GPHN: variants seen among roughly 807,000 people sequenced by gnomAD.
The protein encoded by GPHN is gephyrin.
A neutral mutation model predicts 95.5 loss-of-function variants in GPHN; 17 were observed. The ratio of observed to expected loss-of-function variants is 0.18; its 90% CI spans 0.12 to 0.27. The LOEUF (loss-of-function observed/expected upper bound fraction) is 0.27, where lower values mean the gene tolerates loss of function less well. Ranked by LOEUF, GPHN falls within the 10% of genes least tolerant of loss-of-function variation. The pLI is 1.00. For missense variants in GPHN, 660 were observed against 978.1 expected, an observed-to-expected ratio of 0.67 and a Z score of 4.34; for synonymous variants, 320 against 322.5, an observed-to-expected ratio of 0.99 and a Z score of 0.08.
intron 2 of GPHN, among the ~76,000 whole-genome samples, chr14:66,719,510 C>T (rs1343913043): frequency 2.0e-5 from 3 of 152,102 alleles, no homozygotes; most frequent in Non-Finnish European, 4.4e-5. Flanking sequence ...CCTGCAGGAG[C>T]GGTCCTCTTT....
At chr14:66,898,901 G>T (rs941068788) in intron 5 of GPHN, among the ~76,000 whole-genome samples, 1 of 151,658 alleles carries the variant, frequency 6.6e-6, no homozygotes, top group African/African-American at 2.4e-5. Context: ...TTCTTTTATT[G>T]CAGTTTTCAG....
chr14:66,784,384 G>T (rs1230264100), intron 3 of GPHN, among the ~76,000 whole-genome samples: 1 of 152,108 alleles, frequency 6.6e-6, no homozygotes, highest in African/African-American at 2.4e-5. Flanking sequence ...TGTGTCACTA[G>T]AAAACCACTC....
chr14:66,800,538 G>A (rs1335742700), intron 3 of GPHN, among the ~76,000 whole-genome samples: 1 of 151,584 alleles, frequency 6.6e-6, no homozygotes, highest in Non-Finnish European at 1.5e-5. Flanking sequence ...TGAAAAATCT[G>A]CTGCCAAAAG....
At chr14:66,565,692 T>A (rs2060435368) in intron 1 of GPHN, among the ~76,000 whole-genome samples, 1 of 152,212 alleles carries the variant, frequency 6.6e-6, no homozygotes. Context: ...GTGATAATGA[T>A]TATTACTGTC....
Position 67,050,660 on chromosome 14 carries a change from A to G in GPHN, c.1007-7989A>G, listed in dbSNP as rs544758798. The stretch of plus-strand genomic sequence containing the variant: ...ATAACCATACTGCAATTTCCAAACA[A>G]CAAGAAAAAAAAACAAGGAGGGGCC... On this transcript the variant is annotated intron_variant, in intron 10 of 22. Transcript: ENST00000478722. Among the ~76,000 whole-genome samples, 6 of 152,272 alleles carry G rather than the reference A, an allele frequency of 3.9e-5. No individual in the cohort carries two copies. The East Asian group carries it at 1.2e-3, about 29-fold the overall frequency.
intron 1 of GPHN, among the ~76,000 whole-genome samples, chr14:66,680,401 A>G (rs527831124): frequency 1.3e-5 from 2 of 152,230 alleles, no homozygotes; most frequent in Non-Finnish European, 2.9e-5. Flanking sequence ...ACAACATTAC[A>G]GGGATTATTA....
At chr14:67,508,509 C>T in the GPHN span, among the ~76,000 whole-genome samples, 105 of 152,176 alleles carry the variant, frequency 6.9e-4, no homozygotes, top group Middle Eastern at 3.4e-3. Flanking sequence ...TACAGCCTCA[C>T]GCTAGCTCTC....
chr14:66,559,185 A>C (rs1416714702), intron 1 of GPHN, among the ~76,000 whole-genome samples: 2 of 152,084 alleles, frequency 1.3e-5, no homozygotes, highest in African/African-American at 2.4e-5. Context: ...TGTGAATAGT[A>C]CCGCAATAAA....
chr14:67,360,390 A>G, the GPHN span: 1 of 395,884 alleles, frequency 2.5e-6, no homozygotes, highest in Non-Finnish European at 4.4e-6. Flanking sequence ...GGGGGAAGCA[A>G]GTCTGGTCTC....
chr14:66,740,739 G>C (rs1446514235), intron 2 of GPHN, among the ~76,000 whole-genome samples: 1 of 152,144 alleles, frequency 6.6e-6, no homozygotes, highest in Non-Finnish European at 1.5e-5. Flanking sequence ...ATAAAAGTTA[G>C]TGGAAAATTT....
At chr14:67,137,369 TCTC>T (rs1358406265) in intron 17 of GPHN, among the ~76,000 whole-genome samples, 1 of 151,590 alleles carries the variant, frequency 6.6e-6, no homozygotes, top group African/African-American at 2.4e-5. Context: ...ATGGTCCCGA[TCTC>T]CTGACCTCGT....
the GPHN span, among the ~76,000 whole-genome samples, chr14:67,210,784 A>G: frequency 6.6e-6 from 1 of 152,154 alleles, no homozygotes; most frequent in East Asian, 1.9e-4. Context: ...AGGCCGAGGG[A>G]TGCAGATAGC....
At chr14:67,239,216 G>C in the GPHN span, among the ~76,000 whole-genome samples, 3 of 152,094 alleles carry the variant, frequency 2.0e-5, no homozygotes, top group Non-Finnish European at 4.4e-5. Context: ...CCAAGAGATT[G>C]GAAGTTACGG....
intron 1 of GPHN, among the ~76,000 whole-genome samples, chr14:66,649,688 A>T (rs1401783486): frequency 2.0e-5 from 3 of 152,210 alleles, no homozygotes; most frequent in Non-Finnish European, 4.4e-5. Flanking sequence ...ACAGATTAAC[A>T]TTAGCAGAGA....
the GPHN span, among the ~76,000 whole-genome samples, chr14:67,638,887 C>T: frequency 2.6e-5 from 4 of 152,310 alleles, no homozygotes; most frequent in African/African-American, 9.6e-5. Flanking sequence ...TGTCCACTGT[C>T]TAGAAGCTTT....
intron 8 of GPHN, among the ~76,000 whole-genome samples, chr14:66,953,261 C>T (rs1277465134): frequency 2.0e-5 from 3 of 150,370 alleles, no homozygotes; most frequent in African/African-American, 7.5e-5. Context: ...GCAAATATTT[C>T]CTCCCTTTCT....
At chr14:67,643,254 T>C in the GPHN span, among the ~76,000 whole-genome samples, 29 of 152,224 alleles carry the variant, frequency 1.9e-4, no homozygotes, top group African/African-American at 6.8e-4. Context: ...ATTTGTGATA[T>C]ATTAAGGCCT....
chr14:66,633,660 A>C (rs141402598), intron 1 of GPHN, among the ~76,000 whole-genome samples: 65 of 152,232 alleles, frequency 4.3e-4, no homozygotes, highest in African/African-American at 1.4e-3. Flanking sequence ...ATGCCTGTAC[A>C]TATATTTTTG....
the GPHN span, among the ~76,000 whole-genome samples, chr14:67,642,571 A>G: frequency 6.6e-6 from 1 of 152,174 alleles, no homozygotes; most frequent in Non-Finnish European, 1.5e-5. Context: ...CACATTGCAC[A>G]GTAAGAATAT....
Sources: allele counts gnomAD v4.1 joint callset (sites outside exome capture counted in the v4.1 genomes callset), GRCh38; gene constraint gnomAD v4.1.1; transcripts MANE v1.5; gene names NCBI Gene and HGNC (gene_info 2026-07-23, HGNC 2026-07-21).